The following ATF7IP2 variants were observed in gnomAD, a reference collection of about 807,000 sequenced individuals.
ATF7IP2 encodes activating transcription factor 7 interacting protein 2.
ATF7IP2 carries 42 observed loss-of-function variants against 64.2 expected under a neutral mutation model. That is an observed-to-expected ratio of 0.65 (90% confidence interval 0.51 to 0.85). ATF7IP2 has a LOEUF of 0.85. ATF7IP2 is among the 40% of genes least tolerant of loss of function. The pLI is 0.00. For missense variants in ATF7IP2, 933 were observed against 784.2 expected (o/e 1.19, Z -2.27); for synonymous variants, 308 against 272.8 (o/e 1.13, Z -1.27).
chr16:10,441,488 A>G (rs1051545540), intron 8 of ATF7IP2, among the ~76,000 whole-genome samples: 3 of 152,126 alleles, frequency 2.0e-5, no homozygotes, highest in African/African-American at 7.2e-5. Flanking sequence ...TTTGATTTGC[A>G]TTTCTATAAT....
chr16:10,432,761 G>C (rs972328220), intron 5 of ATF7IP2, among the ~76,000 whole-genome samples: 2 of 152,030 alleles, frequency 1.3e-5, no homozygotes, highest in Non-Finnish European at 2.9e-5. Flanking sequence ...TATTATTATC[G>C]CAGCTACTTG....
At chr16:10,451,376 G>C (rs1225308250) in intron 8 of ATF7IP2, among the ~76,000 whole-genome samples, 2 of 152,102 alleles carry the variant, frequency 1.3e-5, no homozygotes, top group Admixed American at 6.6e-5. Flanking sequence ...TGCTAGGTTG[G>C]GGAAGTTCTC....
At chr16:10,446,348 G>C (rs2048804632) in intron 8 of ATF7IP2, 2 of 152,124 alleles carry the variant, frequency 1.3e-5, no homozygotes, top group African/African-American at 4.8e-5. Context: ...TAAAATTCTT[G>C]AGTCAGTAAG....
At chr16:10,469,817 TC>T (rs1341921454) in intron 9 of ATF7IP2, among the ~76,000 whole-genome samples, 4 of 152,114 alleles carry the variant, frequency 2.6e-5, no homozygotes. Context: ...GCACCATACT[TC>T]TTGCTGTAAG....
At chr16:10,386,759 A>G (rs2141717538) in intron 1 of ATF7IP2, 1 of 152,314 alleles carries the variant, frequency 6.6e-6, no homozygotes, top group Middle Eastern at 3.4e-3. Flanking sequence ...GTTCGTTTTT[A>G]TGAATATGTT....
chr16:10,450,671 A>T (rs1222761321), intron 8 of ATF7IP2, among the ~76,000 whole-genome samples: 1 of 151,508 alleles, frequency 6.6e-6, no homozygotes, highest in African/African-American at 2.4e-5. Context: ...TGCTTGGTAG[A>T]TCTTCCTCCA....
At chr16:10,393,532 A>T (rs992746276) in intron 1 of ATF7IP2, among the ~76,000 whole-genome samples, 1 of 152,146 alleles carries the variant, frequency 6.6e-6, no homozygotes, top group African/African-American at 2.4e-5. Context: ...TGAGAAATTC[A>T]AGACTTCAGT....
intron 8 of ATF7IP2, among the ~76,000 whole-genome samples, chr16:10,453,617 T>G (rs1304712879): frequency 2.6e-5 from 4 of 152,148 alleles, no homozygotes; most frequent in Non-Finnish European, 5.9e-5. Context: ...GGAGCTTTCT[T>G]TGTTTATTTA....
intron 2 of ATF7IP2, among the ~76,000 whole-genome samples, chr16:10,415,045 A>T (rs1481107444): frequency 6.6e-6 from 1 of 152,208 alleles, no homozygotes; most frequent in Non-Finnish European, 1.5e-5. Context: ...TAAAATGTTC[A>T]TACTGCTTAA....
chr16:10,479,772 T>A (rs2050148558), intron 12 of ATF7IP2, among the ~76,000 whole-genome samples: 1 of 151,202 alleles, frequency 6.6e-6, no homozygotes, highest in Admixed American at 6.6e-5. Context: ...GGAATGCAAA[T>A]CAAAACCACA....
At chr16:10,420,918 G>A (rs2047977607) in intron 3 of ATF7IP2, among the ~76,000 whole-genome samples, 1 of 152,192 alleles carries the variant, frequency 6.6e-6, no homozygotes, top group Non-Finnish European at 1.5e-5. Flanking sequence ...CACCTGTGAA[G>A]ACATTTTCAG....
intron 1 of ATF7IP2, 183 bp downstream of exon 1, chr16:10,386,305 A>G (rs1322859347): frequency 6.6e-6 from 1 of 152,262 alleles, no homozygotes; most frequent in Non-Finnish European, 1.5e-5. Context: ...AGGTCCGGGA[A>G]GAGGCCCCTG....
intron 9 of ATF7IP2, among the ~76,000 whole-genome samples, chr16:10,460,701 A>C (rs1052632080): frequency 6.6e-6 from 1 of 152,160 alleles, no homozygotes; most frequent in Non-Finnish European, 1.5e-5. Context: ...ATACAAAAAA[A>C]CTCATATGGA....
chr16:10,408,768 A>AT (rs1326071554), intron 1 of ATF7IP2, among the ~76,000 whole-genome samples: 1 of 151,854 alleles, frequency 6.6e-6, no homozygotes, highest in Non-Finnish European at 1.5e-5. Flanking sequence ...GGTTATAAAG[A>AT]TTTTCTCCCA....
At chr16:10,444,007 G>C (rs1463615868) in intron 8 of ATF7IP2, among the ~76,000 whole-genome samples, 1 of 152,162 alleles carries the variant, frequency 6.6e-6, no homozygotes, top group Non-Finnish European at 1.5e-5. Context: ...TACCATGCTA[G>C]ACGGTCACAA....
At chr16:10,440,047 C>T (rs1409681971) in intron 7 of ATF7IP2, among the ~76,000 whole-genome samples, 1 of 151,884 alleles carries the variant, frequency 6.6e-6, no homozygotes, top group Non-Finnish European at 1.5e-5. Context: ...GTAATCCTAG[C>T]TACTTGGGAG....
chr16:10,443,468 C>G (rs1280394902), intron 8 of ATF7IP2, among the ~76,000 whole-genome samples: 2 of 152,174 alleles, frequency 1.3e-5, no homozygotes, highest in Non-Finnish European at 2.9e-5. Flanking sequence ...AAGCGGACAA[C>G]CTGGGCCTCT....
At chr16:10,424,445 A>G (rs761671040) in intron 3 of ATF7IP2, among the ~76,000 whole-genome samples, 1 of 152,202 alleles carries the variant, frequency 6.6e-6, no homozygotes, top group Admixed American at 6.5e-5. Flanking sequence ...TTAGGCTGTG[A>G]TATACTTGCT....
At chr16:10,467,972 C>T (rs577958781) in intron 9 of ATF7IP2, among the ~76,000 whole-genome samples, 10 of 150,178 alleles carry the variant, frequency 6.7e-5, no homozygotes, top group South Asian at 4.3e-4. Context: ...CTCTGCCTTC[C>T]GAGTTTAAGC....
Sources: gnomAD v4.1 joint callset for allele counts (sites outside exome capture counted in the v4.1 genomes callset) on GRCh38, gnomAD v4.1.1 for gene constraint, MANE v1.5 for transcripts, NCBI Gene and HGNC (gene_info 2026-07-23, HGNC 2026-07-21) for gene names.